The following UBE2Q2 variants were observed in gnomAD, a reference collection of about 807,000 sequenced individuals.
UBE2Q2 encodes ubiquitin conjugating enzyme E2 Q2.
A neutral mutation model predicts 59.9 loss-of-function variants in UBE2Q2; 54 were observed. The observed-to-expected ratio is 0.90, with a 90% CI of 0.72 to 1.13. UBE2Q2 has a LOEUF of 1.13. UBE2Q2 is among the 50% of genes most tolerant of loss of function. The pLI is 0.00. For missense variants in UBE2Q2, 433 were observed against 441.9 expected, an observed-to-expected ratio of 0.98 and a Z score of 0.18; for synonymous variants, 165 against 155.2, an observed-to-expected ratio of 1.06 and a Z score of -0.47.
At chr15:75,882,648 CTG>C (rs1898497744) in intron 8 of UBE2Q2, among the ~76,000 whole-genome samples, 1 of 152,164 alleles carries the variant, frequency 6.6e-6, no homozygotes, top group Non-Finnish European at 1.5e-5. Context: ...ATTATAATAA[CTG>C]TTGTTAAGTT....
chr15:75,878,221 A>G, intron 7 of UBE2Q2, 200 bp downstream of exon 7: 1 of 534,160 alleles, frequency 1.9e-6, no homozygotes, highest in Non-Finnish European at 3.3e-6. Context: ...GGAAGGACAG[A>G]AAGAGGGACC....
intron 8 of UBE2Q2, among the ~76,000 whole-genome samples, chr15:75,881,233 AC>A (rs1344381342): frequency 6.6e-6 from 1 of 151,008 alleles, no homozygotes; most frequent in Non-Finnish European, 1.5e-5. Flanking sequence ...AAGAAATAGA[AC>A]CTTTTTTTTT....
chr15:75,856,293 A>ATATATATATATATAT (rs1896913041), intron 2 of UBE2Q2, among the ~76,000 whole-genome samples: 6 of 139,120 alleles, frequency 4.3e-5, no homozygotes, highest in African/African-American at 1.4e-4. Context: ...ATATATATAT[A>ATATATATATATATAT]ATGAATTTCA....
At chr15:75,893,088 C>G (rs562115503) in intron 11 of UBE2Q2, among the ~76,000 whole-genome samples, 63 of 152,196 alleles carry the variant, frequency 4.1e-4, no homozygotes, top group African/African-American at 1.5e-3. Flanking sequence ...ATTAGAATTA[C>G]ACTAGAAAGT....
intron 3 of UBE2Q2, among the ~76,000 whole-genome samples, chr15:75,861,761 T>G (rs988060398): frequency 2.0e-5 from 3 of 152,246 alleles, no homozygotes; most frequent in Non-Finnish European, 4.4e-5. Flanking sequence ...CAAAACTTAA[T>G]GGCATAAAAC....
At position 75,900,693 on chromosome 15, in the gene UBE2Q2, T is replaced by A. The variant is rs1283339722; in HGVS notation, c.*1235T>A. On this transcript the variant is annotated 3_prime_UTR_variant, in exon 13 of 13. Transcript: ENST00000267938. ...CCACATCTGAGAGACTTGTCATTTC[T>A]ACATTGTGTGTGTTTAATTTCTTTT... 6.5e-5 allele frequency: 10 copies of A among 152,676 alleles called. No individual in the cohort carries two copies. Among genetic ancestry groups the A allele is most frequent in the Admixed American group, 6.5e-4 (10 of 15,284 alleles). 9.5% of individuals were successfully genotyped at this position (152,676 alleles called of 1,614,324 possible). A position where few individuals can be genotyped will look rare whatever the true frequency, so the allele number is the denominator to read the frequency against.
intron 8 of UBE2Q2, among the ~76,000 whole-genome samples, chr15:75,880,948 T>C (rs1380880789): frequency 6.6e-6 from 1 of 152,234 alleles, no homozygotes; most frequent in Non-Finnish European, 1.5e-5. Flanking sequence ...GGGATATATC[T>C]TATGATTGAA....
intron 1 of UBE2Q2, among the ~76,000 whole-genome samples, chr15:75,847,974 G>T (rs1257194411): frequency 6.6e-6 from 1 of 152,156 alleles, no homozygotes; most frequent in Non-Finnish European, 1.5e-5. Flanking sequence ...TTGCCAAAAA[G>T]TGCCTACCCC....
chr15:75,878,976 T>G, intron 7 of UBE2Q2, 122 bp from the exon 8 acceptor site: 2 of 604,402 alleles, frequency 3.3e-6, no homozygotes, highest in Non-Finnish European at 5.6e-6. Flanking sequence ...TTAGACCTTC[T>G]CTTTCTGGAA....
intron 9 of UBE2Q2, among the ~76,000 whole-genome samples, chr15:75,885,409 C>T (rs1002708970): frequency 2.0e-5 from 3 of 152,234 alleles, no homozygotes; most frequent in African/African-American, 4.8e-5. Context: ...AGCTACCGCA[C>T]CCCACCTAGT....
At chr15:75,869,755 G>T (rs1231255612) in intron 4 of UBE2Q2, among the ~76,000 whole-genome samples, 2 of 152,136 alleles carry the variant, frequency 1.3e-5, no homozygotes, top group African/African-American at 4.8e-5. Context: ...ATTTTGGAGG[G>T]AGCACATTTA....
rs139773313 is a variant in UBE2Q2, at chr15:75,877,846, A to G, written c.674-115A>G. 4.1e-4 allele frequency: 337 copies of G among 817,482 alleles called. 3 individuals carry two copies. In the African/African-American group the frequency reaches 5.0e-3, roughly 12 times the overall value. 50.6% of individuals were successfully genotyped at this position (817,482 alleles called of 1,614,324 possible). A position where few individuals can be genotyped will look rare whatever the true frequency, so the allele number is the denominator to read the frequency against. On this transcript the variant is annotated intron_variant, in intron 6 of 12. Coordinates refer to ENST00000267938, the MANE Select transcript of UBE2Q2 (RefSeq NM_173469.4). ...ATTTACTATATAGCTTAGTTGTTCCATGTTTTAAGAGCAAAATTTCTAGCT... is the reference window on the plus strand; with the variant it reads ...ATTTACTATATAGCTTAGTTGTTCCGTGTTTTAAGAGCAAAATTTCTAGCT...
intron 12 of UBE2Q2, among the ~76,000 whole-genome samples, chr15:75,897,385 C>G (rs948118748): frequency 3.3e-5 from 5 of 151,732 alleles, no homozygotes; most frequent in Admixed American, 3.3e-4. Context: ...ACTACAGGTG[C>G]CTTTTTTGTA....
At chr15:75,878,992 C>G in intron 7 of UBE2Q2, 106 bp from the exon 8 acceptor site, 1 of 696,054 alleles carries the variant, frequency 1.4e-6, no homozygotes. Flanking sequence ...TGGAACTTGC[C>G]CTAGGTGCTC....
chr15:75,867,755 T>G (rs1444624194), intron 3 of UBE2Q2, among the ~76,000 whole-genome samples: 1 of 152,208 alleles, frequency 6.6e-6, no homozygotes, highest in Non-Finnish European at 1.5e-5. Context: ...AAACAGATTC[T>G]CTGGGTAGGC....
intron 1 of UBE2Q2, among the ~76,000 whole-genome samples, chr15:75,845,453 G>C (rs540701060): frequency 6.6e-6 from 1 of 152,274 alleles, no homozygotes; most frequent in South Asian, 2.1e-4. Context: ...TTAAGGAGAC[G>C]GGCCTGAATG....
At chr15:75,882,840 G>A (rs186968304) in intron 8 of UBE2Q2, among the ~76,000 whole-genome samples, 2,082 of 152,230 alleles carry the variant, frequency 0.014, 56 homozygotes, top group African/African-American at 0.047. Context: ...TAAGGAGCCG[G>A]AGACTTAGCA....
intron 11 of UBE2Q2, among the ~76,000 whole-genome samples, chr15:75,893,805 C>T (rs1347349796): frequency 1.3e-5 from 2 of 152,166 alleles, no homozygotes; most frequent in Non-Finnish European, 2.9e-5. Flanking sequence ...AAATTAAACA[C>T]ACTTGTAAAT....
At chr15:75,844,158 T>A in intron 1 of UBE2Q2, 1 of 1,429,346 alleles carries the variant, frequency 7.0e-7, no homozygotes, top group Non-Finnish European at 9.1e-7. Context: ...GTGGGGTCCA[T>A]GGCCGCCCTC....
Sources: allele counts gnomAD v4.1 joint callset (sites outside exome capture counted in the v4.1 genomes callset), GRCh38; gene constraint gnomAD v4.1.1; transcripts MANE v1.5; gene names NCBI Gene and HGNC (gene_info 2026-07-23, HGNC 2026-07-21).